The following FRMD5 variants were observed in gnomAD, a reference collection of about 807,000 sequenced individuals.
The protein encoded by FRMD5 is FERM domain containing 5, also known as FERM domain-containing protein 5.
A neutral mutation model predicts 69.0 loss-of-function variants in FRMD5; 20 were observed. The ratio of observed to expected loss-of-function variants is 0.29; its 90% CI spans 0.20 to 0.42. The LOEUF is 0.42. Among genes scored for constraint, FRMD5 ranks in the 10% least tolerant of loss-of-function variants. FRMD5 has a pLI of 1.00. For synonymous variants in FRMD5, 271 were observed against 260.1 expected, an observed-to-expected ratio of 1.04 and a Z score of -0.40; for missense variants, 595 against 708.6, an observed-to-expected ratio of 0.84 and a Z score of 1.82.
In FRMD5 at chr15:44,195,042, A is replaced by T. The variant is rs1455348607; in HGVS notation, c.13T>A (p.Leu5Met). The T allele has an allele frequency of 6.5e-7, 1 of 1,547,168 alleles. No individual in the cohort carries two copies. The highest frequency in any genetic ancestry group is 8.7e-7 in the Non-Finnish European group (1 of 1,152,046). Residue 5 changes from leucine (L) to methionine (M), a missense_variant, in exon 1 of 14, where the codon TTG becomes ATG. By Grantham distance (15) the Leu-to-Met change is conservative. Coordinates refer to ENST00000417257, the MANE Select transcript of FRMD5 (RefSeq NM_032892.5). ...AGGCTCCTGCTGCTGCCGCTCATCAACCTGCTCAGCATCTTCCCGCCCGCC... is the reference window on the plus strand; with the variant it reads ...AGGCTCCTGCTGCTGCCGCTCATCATCCTGCTCAGCATCTTCCCGCCCGCC... MLSRLMSGSSRSLER... is the reference protein window; with the variant it reads MLSRMMSGSSRSLER...
rs562274291 is a variant in FRMD5 at position 43,930,855 on chromosome 15, G to A, written c.103-6546C>T. Among the ~76,000 whole-genome samples, 56 of 152,328 alleles carry A rather than the reference G, an allele frequency of 3.7e-4. No individual in the cohort carries two copies. The South Asian group carries it at 0.011, about 29-fold the overall frequency. ...TTCAGTCTGGAACATGGAGGTCACC[G>A]TGCGCAAGGAAATGTCATGGGAGGG... On this transcript the variant is annotated intron_variant, in intron 1 of 13. Coordinates refer to ENST00000417257, the MANE Select transcript of FRMD5 (RefSeq NM_032892.5).
chr15:44,171,820 G>A (rs2140531085), intron 1 of FRMD5, among the ~76,000 whole-genome samples: 1 of 152,332 alleles, frequency 6.6e-6, no homozygotes, highest in South Asian at 2.1e-4. Flanking sequence ...CTGGAGCACA[G>A]CGGCGTGATC....
At position 43,870,897 on chromosome 15, in the gene FRMD5, C is replaced by T. The variant is rs1228618425; in HGVS notation, c.*2988G>A. The T allele has an allele frequency of 6.6e-6, 1 of 152,158 alleles. No homozygotes were observed. Among genetic ancestry groups the T allele is most frequent in the African/African-American group, 2.4e-5 (1 of 41,432 alleles). 9.4% of individuals were successfully genotyped at this position (152,158 alleles called of 1,614,324 possible). A position where few individuals can be genotyped will look rare whatever the true frequency, so the allele number is the denominator to read the frequency against. ...ATGTAACTTAAGAGTTTTTGGCACA[C>T]AGAAGGTTAACAACTATATATTTTT... On this transcript the variant is annotated 3_prime_UTR_variant, in exon 14 of 14. Coordinates refer to ENST00000417257, the MANE Select transcript of FRMD5 (RefSeq NM_032892.5).
chr15:44,123,717 T>G (rs1387285774), intron 1 of FRMD5, among the ~76,000 whole-genome samples: 1 of 152,066 alleles, frequency 6.6e-6, no homozygotes, highest in Non-Finnish European at 1.5e-5. Context: ...CACCTAAAAT[T>G]CACTCATAAG....
At chr15:44,180,856 G>GATATATAATCCTATATAT (rs2077987648) in intron 1 of FRMD5, among the ~76,000 whole-genome samples, 1 of 151,992 alleles carries the variant, frequency 6.6e-6, no homozygotes, top group African/African-American at 2.4e-5. Flanking sequence ...GATTATAATT[G>GATATATAATCCTATATAT]ATAATTATAT....
rs761661109 is a variant in FRMD5 at position 44,033,103 on chromosome 15, C to T, written c.103-108794G>A. On this transcript the variant is annotated intron_variant, in intron 1 of 13. Transcript: ENST00000417257. ...GGCTATTATTCTTAGAAAAATAACA[C>T]AGTTACAGAAAACCAAATACCACAT... is the stretch of plus-strand genomic sequence containing the variant. Among the ~76,000 whole-genome samples, 17 of 152,252 alleles carry T rather than the reference C, an allele frequency of 1.1e-4. No homozygotes were observed. In the East Asian group the frequency reaches 1.5e-3, roughly 14 times the overall value.
At chr15:43,874,608 G>T in intron 13 of FRMD5, 146 bp from the exon 14 acceptor site, 1 of 643,420 alleles carries the variant, frequency 1.6e-6, no homozygotes. Context: ...GATATATCGA[G>T]AAGACGACAG....
intron 1 of FRMD5, among the ~76,000 whole-genome samples, chr15:44,123,540 A>T (rs2076985136): frequency 1.3e-5 from 2 of 152,212 alleles, no homozygotes; most frequent in Non-Finnish European, 2.9e-5. Context: ...TTATATACCT[A>T]GCTTGTTTCA....
intron 1 of FRMD5, among the ~76,000 whole-genome samples, chr15:44,066,524 G>T (rs1056873565): frequency 3.9e-5 from 6 of 152,150 alleles, no homozygotes; most frequent in African/African-American, 1.4e-4. Context: ...TGGGGAAAAG[G>T]CATTACGCAG....
At chr15:44,063,114 T>C (rs1461326590) in intron 1 of FRMD5, among the ~76,000 whole-genome samples, 3 of 152,206 alleles carry the variant, frequency 2.0e-5, no homozygotes, top group Non-Finnish European at 2.9e-5. Context: ...ATGATTTCAG[T>C]TTGTCAGCTT....
At chr15:44,088,240 A>G (rs1311191595) in intron 1 of FRMD5, among the ~76,000 whole-genome samples, 2 of 152,068 alleles carry the variant, frequency 1.3e-5, no homozygotes, top group Non-Finnish European at 2.9e-5. Context: ...CATCACAATC[A>G]GTTTTAGAGC....
chr15:44,115,079 C>T (rs1416454290), intron 1 of FRMD5, among the ~76,000 whole-genome samples: 2 of 152,132 alleles, frequency 1.3e-5, no homozygotes, highest in African/African-American at 4.8e-5. Flanking sequence ...ATTATGAAGA[C>T]CAAACAAAAC....
At chr15:44,113,485 A>G (rs929274128) in intron 1 of FRMD5, among the ~76,000 whole-genome samples, 20 of 152,196 alleles carry the variant, frequency 1.3e-4, no homozygotes, top group African/African-American at 4.8e-4. Context: ...TGAGCATGCA[A>G]TGTGTAATAA....
intron 1 of FRMD5, among the ~76,000 whole-genome samples, chr15:43,961,893 T>G (rs1005471108): frequency 2.0e-5 from 3 of 152,184 alleles, no homozygotes; most frequent in Non-Finnish European, 4.4e-5. Flanking sequence ...TAGGTATTGA[T>G]GGGATGTATC....
chr15:44,059,520 T>G (rs1342664978), intron 1 of FRMD5, among the ~76,000 whole-genome samples: 1 of 152,184 alleles, frequency 6.6e-6, no homozygotes, highest in Non-Finnish European at 1.5e-5. Context: ...TATTTCTTTC[T>G]TTCTTTTTTG....
chr15:44,091,368 G>GCA (rs143021975), intron 1 of FRMD5, among the ~76,000 whole-genome samples: 16 of 151,260 alleles, frequency 1.1e-4, no homozygotes, highest in Admixed American at 6.6e-4. Flanking sequence ...ACACGCACAT[G>GCA]CACACACACA....
chr15:43,913,192 A>G (rs1037611325), intron 4 of FRMD5, among the ~76,000 whole-genome samples: 1 of 152,222 alleles, frequency 6.6e-6, no homozygotes, highest in African/African-American at 2.4e-5. Flanking sequence ...GTGAACTGGA[A>G]TAGAAACAAG....
chr15:44,105,756 C>A (rs2076707702), intron 1 of FRMD5, among the ~76,000 whole-genome samples: 1 of 151,938 alleles, frequency 6.6e-6, no homozygotes, highest in East Asian at 1.9e-4. Flanking sequence ...TATTTTTTAC[C>A]TTCATTAGCT....
At chr15:44,186,701 T>A (rs1372451111) in intron 1 of FRMD5, among the ~76,000 whole-genome samples, 1 of 152,222 alleles carries the variant, frequency 6.6e-6, no homozygotes, top group Non-Finnish European at 1.5e-5. Flanking sequence ...GTGTCCGTAT[T>A]GTCAGTCATC....
Sources: allele counts gnomAD v4.1 joint callset (sites outside exome capture counted in the v4.1 genomes callset), GRCh38; gene constraint gnomAD v4.1.1; transcripts MANE v1.5; gene names NCBI Gene and HGNC (gene_info 2026-07-23, HGNC 2026-07-21).